Variants in RBM20 observed in about 807,000 individuals in gnomAD.
RBM20 encodes RNA-binding protein 20.
A neutral mutation model predicts 110.1 loss-of-function variants in RBM20; 51 were observed. That is an observed-to-expected ratio of 0.46 (90% confidence interval 0.37 to 0.59). The LOEUF (loss-of-function observed/expected upper bound fraction) is 0.59. Among genes scored for constraint, RBM20 ranks in the 20% least tolerant of loss-of-function variants. The pLI, the probability that RBM20 is intolerant of heterozygous loss-of-function variation, is 0.00. For synonymous variants in RBM20, 589 were observed against 618.2 expected (o/e 0.95, Z 0.70); for missense variants, 1,512 against 1,574.9 (o/e 0.96, Z 0.68).
intron 5 of RBM20, among the ~76,000 whole-genome samples, chr10:110,794,724 A>C (rs1844528337): frequency 6.6e-6 from 1 of 152,254 alleles, no homozygotes; most frequent in Admixed American, 6.5e-5. Flanking sequence ...AAATCTTGGA[A>C]GAGAAAGAAC....
intron 1 of RBM20, among the ~76,000 whole-genome samples, chr10:110,728,649 A>G (rs999442735): frequency 1.3e-5 from 2 of 152,150 alleles, no homozygotes; most frequent in African/African-American, 4.8e-5. Flanking sequence ...TTGCCCAATC[A>G]TAATGCTTCT....
chr10:110,656,684 G>A (rs543371726), intron 1 of RBM20, among the ~76,000 whole-genome samples: 1 of 152,246 alleles, frequency 6.6e-6, no homozygotes, highest in East Asian at 1.9e-4. Flanking sequence ...CTATGGATTT[G>A]CCTATTCGGG....
At chr10:110,741,753 C>T (rs1843727831) in intron 1 of RBM20, among the ~76,000 whole-genome samples, 1 of 150,746 alleles carries the variant, frequency 6.6e-6, no homozygotes, top group African/African-American at 2.5e-5. Flanking sequence ...CCTACTCTTT[C>T]ACCAAGCCTG....
chr10:110,745,589 T>G, intron 1 of RBM20, among the ~76,000 whole-genome samples: 1 of 152,154 alleles, frequency 6.6e-6, no homozygotes, highest in Non-Finnish European at 1.5e-5. Flanking sequence ...CCCCTTGTCT[T>G]GCTTCCACTG....
rs1353580098 is a variant in RBM20 at position 110,821,783 on chromosome 10, G to A, written c.3164G>A (p.Arg1055Lys). Residue 1055 changes from arginine to lysine, a missense_variant, in exon 11 of 14, where the codon AGG becomes AAG. By Grantham distance (26) the Arg-to-Lys change is conservative. Around this residue, in one of 3 missense-constraint regions of RBM20, gnomAD observed 358 missense variants for 384.2 expected, o/e 0.93. Transcript: ENST00000369519. ...TCTTCCCCTAAGCCAGCAGAGGAGA[G>A]GGCCCGGCAGCCAAGCCCATTTGTG... ...QMSSPKPAEE[R>K]ARQPSPFVDD... The A allele has an allele frequency of 6.4e-7, 1 of 1,551,770 alleles. No homozygotes were observed. The highest frequency in any genetic ancestry group is 8.7e-7 in the Non-Finnish European group (1 of 1,147,014).
intron 6 of RBM20, among the ~76,000 whole-genome samples, chr10:110,798,261 A>T (rs1231357491): frequency 6.6e-6 from 1 of 152,248 alleles, no homozygotes; most frequent in East Asian, 1.9e-4. Flanking sequence ...TACTCCCAAC[A>T]GTCAGAAATC....
At chr10:110,814,347 A>G (rs1329608460) in intron 9 of RBM20, among the ~76,000 whole-genome samples, 1 of 151,300 alleles carries the variant, frequency 6.6e-6, no homozygotes, top group Non-Finnish European at 1.5e-5. Flanking sequence ...AATAATTTGT[A>G]TACAATGGGA....
At chr10:110,822,389 T>A (rs1844925384) in intron 11 of RBM20, 1 of 459,190 alleles carries the variant, frequency 2.2e-6, no homozygotes, top group South Asian at 1.6e-5. Flanking sequence ...AGGGTACAGC[T>A]GTTCCCCTTC....
chr10:110,715,924 AT>A (rs1863009009), intron 1 of RBM20, among the ~76,000 whole-genome samples: 1 of 152,246 alleles, frequency 6.6e-6, no homozygotes, highest in African/African-American at 2.4e-5. Flanking sequence ...AGAAAGCGTA[AT>A]CCCCCTGTGT....
At chr10:110,706,660 T>C (rs1274200298) in intron 1 of RBM20, among the ~76,000 whole-genome samples, 1 of 152,182 alleles carries the variant, frequency 6.6e-6, no homozygotes, top group Non-Finnish European at 1.5e-5. Context: ...GACGGAGTGG[T>C]GGGCTGTCTG....
At chr10:110,819,618 C>T (rs1347575085) in intron 9 of RBM20, among the ~76,000 whole-genome samples, 1 of 152,200 alleles carries the variant, frequency 6.6e-6, no homozygotes, top group Non-Finnish European at 1.5e-5. Flanking sequence ...TGAGGGCACT[C>T]TGACTGTGCC....
At chr10:110,750,999 G>A (rs1843846050) in intron 1 of RBM20, among the ~76,000 whole-genome samples, 1 of 72,448 alleles carries the variant, frequency 1.4e-5, no homozygotes, top group Non-Finnish European at 3.0e-5. Context: ...CTGCGAAGTG[G>A]GGCAGACTAG....
intron 9 of RBM20, among the ~76,000 whole-genome samples, chr10:110,815,160 G>A (rs1326654600): frequency 6.6e-6 from 1 of 152,156 alleles, no homozygotes; most frequent in Non-Finnish European, 1.5e-5. Context: ...TGCATCTCTA[G>A]GAACAAGAAT....
intron 9 of RBM20, among the ~76,000 whole-genome samples, chr10:110,816,878 G>A (rs1844846834): frequency 6.6e-6 from 1 of 152,204 alleles, no homozygotes; most frequent in Non-Finnish European, 1.5e-5. Context: ...CAAGGCTGTT[G>A]TAGTACTGTA....
chr10:110,688,270 G>C (rs1333854327), intron 1 of RBM20, among the ~76,000 whole-genome samples: 2 of 152,178 alleles, frequency 1.3e-5, no homozygotes, highest in African/African-American at 4.8e-5. Flanking sequence ...GATAGGATGA[G>C]AGGCTGTTTG....
chr10:110,687,995 T>TTGTGTGTGTG (rs60479740), intron 1 of RBM20, among the ~76,000 whole-genome samples: 143 of 145,478 alleles, frequency 9.8e-4, no homozygotes, highest in African/African-American at 3.3e-3. Flanking sequence ...CTAAATGGTT[T>TTGTGTGTGTG]TGTGTGTGTG....
chr10:110,682,423 G>T (rs541796486), intron 1 of RBM20, among the ~76,000 whole-genome samples: 47 of 152,224 alleles, frequency 3.1e-4, no homozygotes, highest in African/African-American at 1.1e-3. Flanking sequence ...CAGGCCACAT[G>T]TTCTCTGTTG....
chr10:110,648,716 G>C (rs199661916), intron 1 of RBM20, among the ~76,000 whole-genome samples: 9 of 61,120 alleles, frequency 1.5e-4, no homozygotes, highest in Non-Finnish European at 2.8e-4. Flanking sequence ...GGAAGAAAAG[G>C]GGGGGGTGCT....
At chr10:110,810,328 TC>T in intron 7 of RBM20, 54 bp from the exon 8 acceptor site, 1 of 1,327,014 alleles carries the variant, frequency 7.5e-7, no homozygotes, top group Non-Finnish European at 1.1e-6. Context: ...GCTGCTTCCC[TC>T]AGGTGTTTGC....
Sources: allele counts gnomAD v4.1 joint callset (sites outside exome capture counted in the v4.1 genomes callset), GRCh38; gene constraint gnomAD v4.1.1; regional missense constraint gnomAD v4.1.1; transcripts MANE v1.5; gene names NCBI Gene and HGNC (gene_info 2026-07-23, HGNC 2026-07-21).